Variants in CAPZA1 observed in about 807,000 individuals in gnomAD.
CAPZA1 encodes the protein capping actin protein of muscle Z-line subunit alpha 1.
Under a neutral mutation model 40.8 loss-of-function variants are expected in CAPZA1, and 10 were observed. The observed-to-expected ratio is 0.25, with a 90% CI of 0.15 to 0.42. The LOEUF (loss-of-function observed/expected upper bound fraction) is 0.42, where lower values mean the gene tolerates loss of function less well. Among genes scored for constraint, CAPZA1 ranks in the 10% least tolerant of loss-of-function variants. The pLI is 1.00. For missense variants in CAPZA1, 277 were observed against 353.8 expected (o/e 0.78, Z 1.74); for synonymous variants, 98 against 115.0 (o/e 0.85, Z 0.95).
chr1:112,620,817 C>T (rs973698455), intron 1 of CAPZA1: 2 of 152,194 alleles, frequency 1.3e-5, no homozygotes, highest in African/African-American at 2.4e-5. Flanking sequence ...CTGACAGTTG[C>T]ACAGTTTCAT....
intron 3 of CAPZA1, among the ~76,000 whole-genome samples, chr1:112,651,545 A>G (rs1378271443): frequency 6.6e-6 from 1 of 152,192 alleles, no homozygotes; most frequent in Admixed American, 6.5e-5. Flanking sequence ...AAAGAGAAGA[A>G]TCAAAGATCA....
At chr1:112,633,311 T>G (rs1388068800) in intron 1 of CAPZA1, among the ~76,000 whole-genome samples, 1 of 151,720 alleles carries the variant, frequency 6.6e-6, no homozygotes, top group Non-Finnish European at 1.5e-5. Context: ...TTTTTTAGAT[T>G]CTGCATATCT....
intron 1 of CAPZA1, among the ~76,000 whole-genome samples, chr1:112,643,702 C>T (rs1420822009): frequency 3.3e-5 from 5 of 152,166 alleles, no homozygotes; most frequent in Non-Finnish European, 7.3e-5. Flanking sequence ...TCCATTCTAC[C>T]TTGCTCCATC....
intron 7 of CAPZA1, among the ~76,000 whole-genome samples, chr1:112,664,252 T>A (rs1671679336): frequency 6.8e-6 from 1 of 147,888 alleles, no homozygotes; most frequent in Admixed American, 6.7e-5. Context: ...AAAAAAAAGA[T>A]ACTTATTTTT....
intron 1 of CAPZA1, among the ~76,000 whole-genome samples, chr1:112,643,425 C>T (rs1402672750): frequency 6.6e-6 from 1 of 152,124 alleles, no homozygotes; most frequent in Non-Finnish European, 1.5e-5. Flanking sequence ...ACTTTATGTA[C>T]CTAAGAATAT....
At chr1:112,664,133 G>T (rs1671675154) in intron 7 of CAPZA1, among the ~76,000 whole-genome samples, 1 of 151,492 alleles carries the variant, frequency 6.6e-6, no homozygotes, top group Non-Finnish European at 1.5e-5. Context: ...GTGGGAGGCT[G>T]AGGCAGGAGA....
chr1:112,661,567 C>A (rs1671607475), intron 7 of CAPZA1, among the ~76,000 whole-genome samples: 1 of 152,210 alleles, frequency 6.6e-6, no homozygotes, highest in African/African-American at 2.4e-5. Context: ...GCATACTGTT[C>A]TGTTTCTGTT....
chr1:112,669,862 A>G, intron 9 of CAPZA1, 130 bp from the exon 10 acceptor site: 1 of 1,013,240 alleles, frequency 9.9e-7, no homozygotes, highest in Non-Finnish European at 1.5e-6. Context: ...AGAGGAGCTC[A>G]TTGAAAATAA....
At chr1:112,624,405 T>G (rs1050141304) in intron 1 of CAPZA1, among the ~76,000 whole-genome samples, 1 of 152,096 alleles carries the variant, frequency 6.6e-6, no homozygotes. Flanking sequence ...GGTCAGGAGT[T>G]AGAGACCAGC....
chr1:112,642,202 C>CTTTTTTTTTT (rs770352173), intron 1 of CAPZA1, among the ~76,000 whole-genome samples: 1 of 59,008 alleles, frequency 1.7e-5, no homozygotes, highest in African/African-American at 7.2e-5. Flanking sequence ...TACCCCGCAC[C>CTTTTTTTTTT]TTTTTTTTTT....
intron 1 of CAPZA1, among the ~76,000 whole-genome samples, chr1:112,643,684 C>A (rs1002359080): frequency 5.9e-5 from 9 of 152,078 alleles, no homozygotes; most frequent in African/African-American, 1.7e-4. Context: ...TTATTGGAAC[C>A]CAAATTTTCC....
intron 1 of CAPZA1, among the ~76,000 whole-genome samples, chr1:112,642,971 T>G (rs1345470534): frequency 6.6e-6 from 1 of 152,204 alleles, no homozygotes; most frequent in Non-Finnish European, 1.5e-5. Context: ...ATGTATATAC[T>G]TATTTTTTGG....
chr1:112,670,809 C>CT lies in CAPZA1; in HGVS notation c.*678dup, dbSNP rs1320374264. 1.3e-5 allele frequency: 2 copies of CT among 152,660 alleles called. No individual in the cohort carries two copies. The highest frequency in any genetic ancestry group is 4.8e-5 in the African/African-American group (2 of 41,446). The allele number at this position is 152,660 out of a possible 1,614,324, so 9.5% of individuals were successfully genotyped here. ...GAACATGTTTGCTTTTATCCCTTCT[C>CT]TCATTGTCTCCTTCCCATCTTAGTA... is the stretch of plus-strand genomic sequence containing the variant. On this transcript the variant is annotated 3_prime_UTR_variant, in exon 10 of 10. Transcript: ENST00000263168.
At position 112,622,377 on chromosome 1, in the gene CAPZA1, G is replaced by T. The variant is rs114321676; in HGVS notation, c.39+2494G>T. On this transcript the variant is annotated intron_variant, in intron 1 of 9. Coordinates refer to ENST00000263168, the MANE Select transcript of CAPZA1 (RefSeq NM_006135.3). ...GAAGTTGAAAGTGTAATAACTTTTA[G>T]AAATAAATCTTTTAGTTGTAGCTTT... Among the ~76,000 whole-genome samples the T allele has an allele frequency of 8.3e-3, 1,257 of 152,242 alleles. 19 individuals carry two copies. The highest frequency in any genetic ancestry group is 0.029 in the African/African-American group (1,194 of 41,552).
intron 3 of CAPZA1, 54 bp downstream of exon 3, chr1:112,649,523 T>A: frequency 2.9e-6 from 4 of 1,375,016 alleles, no homozygotes; most frequent in Non-Finnish European, 4.1e-6. Context: ...GGATAAACTA[T>A]GTTGACAGTA....
At chr1:112,646,343 G>T (rs1671281018) in intron 1 of CAPZA1, among the ~76,000 whole-genome samples, 1 of 152,184 alleles carries the variant, frequency 6.6e-6, no homozygotes, top group Non-Finnish European at 1.5e-5. Context: ...ACTTTGGGAG[G>T]CCGAGGCCAG....
chr1:112,663,115 C>T (rs1671653857), intron 7 of CAPZA1, among the ~76,000 whole-genome samples: 1 of 152,128 alleles, frequency 6.6e-6, no homozygotes, highest in African/African-American at 2.4e-5. Context: ...CAGGCGCATG[C>T]CACCACGCCC....
chr1:112,649,464 A>G lies in CAPZA1; in HGVS notation c.150A>G (p.Ala50=). The G allele has an allele frequency of 1.2e-6, 2 of 1,610,052 alleles. No homozygotes were observed. Among genetic ancestry groups the G allele is most frequent in the Non-Finnish European group, 1.7e-6 (2 of 1,176,700 alleles). Reference sequence around the variant, plus strand: ...ATGACAATCTCCTCAGGGAAGGGGCAGCACAGTAAGTATCTTTCCAAATCC... The same window carrying G: ...ATGACAATCTCCTCAGGGAAGGGGCGGCACAGTAAGTATCTTTCCAAATCC... ...LNNDNLLREG[A]AHAFAQYNMD... The change falls in exon 3 of 10, where the codon GCA becomes GCG. Residue 50 remains alanine, a synonymous_variant. Coordinates refer to ENST00000263168, the MANE Select transcript of CAPZA1 (RefSeq NM_006135.3).
intron 1 of CAPZA1, among the ~76,000 whole-genome samples, chr1:112,623,245 C>A (rs559148603): frequency 6.6e-6 from 1 of 152,270 alleles, no homozygotes; most frequent in South Asian, 2.1e-4. Flanking sequence ...TTACTAGTTA[C>A]CATTGTAGGA....
Sources: allele counts gnomAD v4.1 joint callset (sites outside exome capture counted in the v4.1 genomes callset), GRCh38; gene constraint gnomAD v4.1.1; transcripts MANE v1.5; gene names NCBI Gene and HGNC (gene_info 2026-07-23, HGNC 2026-07-21).